The following INPP5A variants were observed in gnomAD, a reference collection of about 807,000 sequenced individuals.
The protein encoded by INPP5A is 43 kDa inositol polyphosphate 5-phophatase.
INPP5A carries 14 observed loss-of-function variants against 65.2 expected under a neutral mutation model. The observed-to-expected ratio is 0.21, with a 90% CI of 0.14 to 0.34. The LOEUF (loss-of-function observed/expected upper bound fraction) is 0.34, where lower values mean the gene tolerates loss of function less well. Among genes scored for constraint, INPP5A ranks in the 10% least tolerant of loss-of-function variants. INPP5A has a pLI of 1.00. For missense variants in INPP5A, 431 were observed against 545.6 expected (o/e 0.79, Z 2.09); for synonymous variants, 207 against 208.3 (o/e 0.99, Z 0.05).
chr10:132,729,611 G>A (rs944863639), intron 9 of INPP5A, among the ~76,000 whole-genome samples: 6 of 152,284 alleles, frequency 3.9e-5, no homozygotes, highest in African/African-American at 7.2e-5. Flanking sequence ...CCTGTACCCC[G>A]TCCTCCGTGT....
At chr10:132,642,756 A>G (rs766104983) in intron 2 of INPP5A, among the ~76,000 whole-genome samples, 1 of 152,206 alleles carries the variant, frequency 6.6e-6, no homozygotes, top group East Asian at 1.9e-4. Context: ...GCATGAAAAT[A>G]TATACGTAAG....
rs541817861 is a variant in INPP5A at position 132,586,843 on chromosome 10, G to C, written c.76-21072G>C. ...TCAGGAGGCGGCGCAGCGCGGCGAG[G>C]CCACGGTTCTCTCCTGCGCGTCAGA... On this transcript the variant is annotated intron_variant, in intron 1 of 15. Coordinates refer to ENST00000368594, the MANE Select transcript of INPP5A (RefSeq NM_005539.5). Among the ~76,000 whole-genome samples the C allele has an allele frequency of 3.3e-5, 5 of 152,290 alleles. No homozygotes were observed. The South Asian group carries it at 1.0e-3, about 32-fold the overall frequency.
In INPP5A at chr10:132,549,046, G is replaced by A. The variant is rs969819988; in HGVS notation, c.75+10875G>A. Among the ~76,000 whole-genome samples the A allele has an allele frequency of 6.6e-6, 1 of 152,080 alleles. No individual in the cohort carries two copies. Among genetic ancestry groups the A allele is most frequent in the African/African-American group, 2.4e-5 (1 of 41,400 alleles). On this transcript the variant is annotated intron_variant, in intron 1 of 15. Coordinates refer to ENST00000368594, the MANE Select transcript of INPP5A (RefSeq NM_005539.5). This position sits in a 1 kb window ranked among gnomAD's most constrained non-coding sequence, Gnocchi z 4.9. Reference sequence around the variant, plus strand: ...GGCCTCAAGTGATCCTCCCACCTTGGCCTCCCAAGGTGCTGGGATGACAGG... The same window carrying A: ...GGCCTCAAGTGATCCTCCCACCTTGACCTCCCAAGGTGCTGGGATGACAGG...
chr10:132,580,527 A>T (rs1239782632), intron 1 of INPP5A, among the ~76,000 whole-genome samples: 1 of 152,220 alleles, frequency 6.6e-6, no homozygotes, highest in Admixed American at 6.5e-5. Context: ...GTAAGTCTTC[A>T]TGGCAGTGTG....
intron 1 of INPP5A, among the ~76,000 whole-genome samples, chr10:132,559,816 G>A (rs1405141769): frequency 6.6e-6 from 1 of 152,214 alleles, no homozygotes; most frequent in Non-Finnish European, 1.5e-5. Context: ...GTGTGTTCTG[G>A]GCTCACCTGT....
At chr10:132,622,138 G>A (rs2072118514) in intron 2 of INPP5A, among the ~76,000 whole-genome samples, 1 of 151,946 alleles carries the variant, frequency 6.6e-6, no homozygotes, top group African/African-American at 2.4e-5. Flanking sequence ...ATTTACAATA[G>A]CAGTAAAATG....
intron 9 of INPP5A, among the ~76,000 whole-genome samples, chr10:132,730,038 T>C (rs1846055108): frequency 6.6e-6 from 1 of 152,136 alleles, no homozygotes; most frequent in Admixed American, 6.5e-5. Context: ...AGGAATTGAG[T>C]CGTCACTGTT....
Position 132,586,378 on chromosome 10 carries a change from G to T in INPP5A, c.76-21537G>T, listed in dbSNP as rs2071544829. Reference sequence around the variant, plus strand: ...CAGGGGGCTCTCTGGACCATGGGCGGGGCTGCCTCCCTAGGGGCTCACAGC... The same window carrying T: ...CAGGGGGCTCTCTGGACCATGGGCGTGGCTGCCTCCCTAGGGGCTCACAGC... On this transcript the variant is annotated intron_variant, in intron 1 of 15. Transcript: ENST00000368594. Among the ~76,000 whole-genome samples the T allele has an allele frequency of 2.0e-5, 3 of 152,228 alleles. No homozygotes were observed. The South Asian group carries it at 6.2e-4, about 32-fold the overall frequency.
intron 4 of INPP5A, among the ~76,000 whole-genome samples, chr10:132,656,447 G>T (rs144089959): frequency 6.6e-4 from 101 of 152,332 alleles, no homozygotes; most frequent in African/African-American, 2.3e-3. Context: ...CCCTGCCCCC[G>T]CCAGCTGTGC....
chr10:132,653,802 A>G (rs145621545), intron 4 of INPP5A, among the ~76,000 whole-genome samples: 3 of 152,352 alleles, frequency 2.0e-5, no homozygotes, highest in Non-Finnish European at 4.4e-5. Flanking sequence ...CCCGCTGCAG[A>G]TCGTACGGCA....
intron 4 of INPP5A, among the ~76,000 whole-genome samples, chr10:132,665,467 G>T (rs2072789827): frequency 6.6e-6 from 1 of 152,268 alleles, no homozygotes; most frequent in Non-Finnish European, 1.5e-5. Flanking sequence ...AATGGGCTGG[G>T]TGTAGTGCTT....
chr10:132,646,864 G>C (rs2072502431), intron 3 of INPP5A, among the ~76,000 whole-genome samples: 1 of 152,212 alleles, frequency 6.6e-6, no homozygotes, highest in African/African-American at 2.4e-5. Context: ...CTGCTGCCAT[G>C]CTCTGTGGGT....
intron 2 of INPP5A, among the ~76,000 whole-genome samples, chr10:132,617,961 G>A (rs149402281): frequency 3.0e-4 from 46 of 152,296 alleles, no homozygotes; most frequent in African/African-American, 1.1e-3. Flanking sequence ...AATATATGCT[G>A]TCTATCTTAA....
chr10:132,692,740 A>T (rs1379028797), intron 5 of INPP5A, among the ~76,000 whole-genome samples: 2 of 152,248 alleles, frequency 1.3e-5, no homozygotes, highest in Non-Finnish European at 2.9e-5. Flanking sequence ...TTGTCAGATA[A>T]GCAAAAATTG....
chr10:132,617,886 C>T (rs766354017), intron 2 of INPP5A, among the ~76,000 whole-genome samples: 10 of 152,246 alleles, frequency 6.6e-5, no homozygotes, highest in Non-Finnish European at 1.5e-4. Context: ...GGGCAGCAGA[C>T]ACATGTGCGT....
At chr10:132,681,497 A>G (rs906211837) in intron 4 of INPP5A, among the ~76,000 whole-genome samples, 8 of 152,176 alleles carry the variant, frequency 5.3e-5, no homozygotes, top group Non-Finnish European at 1.0e-4. Flanking sequence ...AACCCCGGAC[A>G]CGCCGCCTTT....
chr10:132,739,788 G>A (rs1846241539), intron 9 of INPP5A, among the ~76,000 whole-genome samples: 1 of 152,190 alleles, frequency 6.6e-6, no homozygotes, highest in Non-Finnish European at 1.5e-5. Context: ...TGCTTGTGAG[G>A]CCCTCGCCAT....
intron 4 of INPP5A, among the ~76,000 whole-genome samples, chr10:132,680,566 G>A (rs574531643): frequency 3.3e-4 from 50 of 152,356 alleles, no homozygotes; most frequent in Middle Eastern, 6.8e-3. Flanking sequence ...GGCGGCACTG[G>A]AGGAGCCCTT....
intron 9 of INPP5A, among the ~76,000 whole-genome samples, chr10:132,730,901 T>A (rs1297931084): frequency 6.6e-6 from 1 of 152,162 alleles, no homozygotes; most frequent in Non-Finnish European, 1.5e-5. Flanking sequence ...TCAGATCTGA[T>A]AATTCAGATC....
Sources: allele counts gnomAD v4.1 joint callset (sites outside exome capture counted in the v4.1 genomes callset), GRCh38; gene constraint gnomAD v4.1.1; non-coding constraint Gnocchi (gnomAD v3.1); transcripts MANE v1.5; gene names NCBI Gene and HGNC (gene_info 2026-07-23, HGNC 2026-07-21).